Variants in PDE1C observed in about 807,000 individuals in gnomAD.
The protein encoded by PDE1C is dual specificity calcium/calmodulin-dependent 3',5'-cyclic nucleotide phosphodiesterase 1C.
PDE1C carries 62 observed loss-of-function variants against 93.1 expected under a neutral mutation model. That is an observed-to-expected ratio of 0.67 (90% CI 0.54 to 0.82). PDE1C has a LOEUF of 0.82. PDE1C is among the 40% of genes least tolerant of loss of function. The pLI, the probability that PDE1C is intolerant of heterozygous loss-of-function variation, is 0.00. For missense variants in PDE1C, 742 were observed against 884.6 expected (o/e 0.84, Z 2.04); for synonymous variants, 325 against 310.1 (o/e 1.05, Z -0.50).
chr7:32,106,529 T>C (rs11772015), intron 3 of PDE1C, among the ~76,000 whole-genome samples: 105,236 of 151,994 alleles, frequency 0.69, 37,150 homozygotes, highest in Middle Eastern at 0.81. Flanking sequence ...AAAAAACTAC[T>C]ACCCTCCATA....
intron 3 of PDE1C, among the ~76,000 whole-genome samples, chr7:32,144,996 A>G (rs1800751308): frequency 6.6e-6 from 1 of 152,178 alleles, no homozygotes; most frequent in Admixed American, 6.5e-5. Context: ...TAAATTATTC[A>G]CAGACTTCTG....
rs764115300 is a variant in PDE1C at position 31,753,401 on chromosome 7, T to G, written c.2113A>C (p.Asn705His). The change falls in exon 18 of 18, where the codon AAC becomes CAC. Residue 705 changes from asparagine to histidine, a missense_variant. By Grantham distance (68) the Asn-to-His change is moderately conservative (BLOSUM62 1). Transcript: ENST00000396191. ...CCCTCGGCCTATTTTCTGTTCCAGT[T>G]ATGTGAGATGTTCTGAATCTTTTTC... ...KMKKIQNISHNWNRK is the reference protein window; with the variant it reads ...KMKKIQNISHHWNRK The G allele has an allele frequency of 6.2e-7, 1 of 1,612,326 alleles. No homozygotes were observed. Among genetic ancestry groups the G allele is most frequent in the Admixed American group, 1.7e-5 (1 of 59,972 alleles).
the PDE1C span, among the ~76,000 whole-genome samples, chr7:31,659,637 A>G: frequency 6.6e-6 from 1 of 152,136 alleles, no homozygotes; most frequent in African/African-American, 2.4e-5. Context: ...AGAGCCATAC[A>G]TTTTGCTTTC....
chr7:32,303,745 C>T (rs1585097998), upstream of PDE1C, among the ~76,000 whole-genome samples: 1 of 152,110 alleles, frequency 6.6e-6, no homozygotes. Context: ...CACAAAGGGG[C>T]AATTTTTTTC....
intron 16 of PDE1C, among the ~76,000 whole-genome samples, 161 bp from the exon 17 acceptor site, chr7:31,775,893 A>G (rs1467840380): frequency 6.6e-6 from 1 of 152,200 alleles, no homozygotes; most frequent in Non-Finnish European, 1.5e-5. Flanking sequence ...TGGTCCAGAA[A>G]AGCTGGGAGC....
At chr7:32,380,493 ACCTTGGC>A (rs1395534947) in intron 1 of PDE1C, among the ~76,000 whole-genome samples, 1 of 145,090 alleles carries the variant, frequency 6.9e-6, no homozygotes, top group Admixed American at 7.1e-5. Flanking sequence ...TCATCCACCC[ACCTTGGC>A]CTCCCAAAGT....
At chr7:31,674,682 T>C in the PDE1C span, among the ~76,000 whole-genome samples, 8 of 152,186 alleles carry the variant, frequency 5.3e-5, no homozygotes, top group Admixed American at 5.2e-4. Flanking sequence ...AAGAATGGAC[T>C]CTTTAAGAAA....
At chr7:31,907,339 A>C (rs2128930782) in intron 2 of PDE1C, among the ~76,000 whole-genome samples, 1 of 152,278 alleles carries the variant, frequency 6.6e-6, no homozygotes, top group Non-Finnish European at 1.5e-5. Context: ...TACAGAGATT[A>C]TCACCAAGAA....
chr7:31,690,376 G>A, the PDE1C span, among the ~76,000 whole-genome samples: 4 of 152,186 alleles, frequency 2.6e-5, no homozygotes, highest in Non-Finnish European at 5.9e-5. Flanking sequence ...TACAGATGAG[G>A]AAACTCAGGG....
chr7:32,280,882 GC>G (rs1811586442), intron 1 of PDE1C, among the ~76,000 whole-genome samples: 3 of 152,140 alleles, frequency 2.0e-5, no homozygotes, highest in Non-Finnish European at 4.4e-5. Context: ...CTACTTGGGA[GC>G]CTGAGGCAAG....
intron 1 of PDE1C, among the ~76,000 whole-genome samples, chr7:32,350,253 C>T (rs775077712): frequency 6.6e-6 from 1 of 152,172 alleles, no homozygotes; most frequent in Non-Finnish European, 1.5e-5. Flanking sequence ...TTTCTACATT[C>T]CCATTAACCT....
chr7:31,929,491 C>T (rs1382940614), intron 2 of PDE1C, among the ~76,000 whole-genome samples: 7 of 152,276 alleles, frequency 4.6e-5, no homozygotes, highest in Non-Finnish European at 4.4e-5. Flanking sequence ...ATACATTCTT[C>T]TTAGCACCAC....
At chr7:32,310,589 C>T (rs1186124388) in intron 1 of PDE1C, among the ~76,000 whole-genome samples, 2 of 152,104 alleles carry the variant, frequency 1.3e-5, no homozygotes, top group Admixed American at 1.3e-4. Flanking sequence ...GAACTGAGGA[C>T]TAAGAAACTC....
At chr7:31,822,356 C>A (rs1201915033) in intron 14 of PDE1C, among the ~76,000 whole-genome samples, 6 of 152,196 alleles carry the variant, frequency 3.9e-5, no homozygotes, top group South Asian at 2.1e-4. Context: ...TACCTGTGCA[C>A]AAGGGCATCT....
At chr7:31,996,066 G>C (rs1584376078) in intron 2 of PDE1C, among the ~76,000 whole-genome samples, 2 of 138,560 alleles carry the variant, frequency 1.4e-5, no homozygotes, top group South Asian at 2.5e-4. Flanking sequence ...TACGCTTCCG[G>C]ACACACACAC....
chr7:31,775,350 C>A (rs145288015), intron 17 of PDE1C, among the ~76,000 whole-genome samples: 1 of 152,318 alleles, frequency 6.6e-6, no homozygotes, highest in African/African-American at 2.4e-5. Context: ...CACAGACTCA[C>A]ACTACTTCCC....
chr7:32,252,032 C>T (rs552574611), intron 1 of PDE1C, among the ~76,000 whole-genome samples: 1 of 152,294 alleles, frequency 6.6e-6, no homozygotes. Flanking sequence ...TTGCACCTCT[C>T]TATAGAGCCA....
At chr7:32,385,172 G>A (rs1322475467) in intron 1 of PDE1C, among the ~76,000 whole-genome samples, 2 of 152,164 alleles carry the variant, frequency 1.3e-5, no homozygotes, top group Admixed American at 6.5e-5. Context: ...AGAAGGAGAA[G>A]CCAAGTTTGA....
chr7:32,416,283 G>A (rs1362806176), intron 1 of PDE1C, among the ~76,000 whole-genome samples: 1 of 152,178 alleles, frequency 6.6e-6, no homozygotes, highest in Non-Finnish European at 1.5e-5. Flanking sequence ...GGGTGCTCAG[G>A]GAATGCCCCG....
Sources: allele counts gnomAD v4.1 joint callset (sites outside exome capture counted in the v4.1 genomes callset), GRCh38; gene constraint gnomAD v4.1.1; transcripts MANE v1.5; gene names NCBI Gene and HGNC (gene_info 2026-07-23, HGNC 2026-07-21).